Variants in CNTNAP2 observed in about 807,000 individuals in gnomAD.
CNTNAP2 encodes contactin-associated protein-like 2.
CNTNAP2 carries 98 observed loss-of-function variants against 155.2 expected under a neutral mutation model. That is an observed-to-expected ratio of 0.63 (90% CI 0.54 to 0.75). The LOEUF (loss-of-function observed/expected upper bound fraction) is 0.75. Among genes scored for constraint, CNTNAP2 ranks in the 30% least tolerant of loss-of-function variants. The probability of loss-of-function intolerance (pLI) is 0.00; values close to 1 mark genes in which losing one functional copy is unlikely to be tolerated. For synonymous variants in CNTNAP2, 651 were observed against 631.2 expected, an observed-to-expected ratio of 1.03 and a Z score of -0.47; for missense variants, 1,727 against 1,688.1, an observed-to-expected ratio of 1.02 and a Z score of -0.40.
At chr7:146,831,611 G>A (rs2129198728) in intron 2 of CNTNAP2, among the ~76,000 whole-genome samples, 1 of 147,990 alleles carries the variant, frequency 6.8e-6, no homozygotes, top group South Asian at 2.1e-4. Context: ...AGGAGGCGGA[G>A]GTTGCAGTGA....
Position 146,987,512 on chromosome 7 carries a change from G to T in CNTNAP2, c.403-56395G>T, listed in dbSNP as rs528956269. 5.9e-5 allele frequency among the ~76,000 whole-genome samples: 9 copies of T among 152,142 alleles called. No individual in the cohort carries two copies. The South Asian group carries it at 6.2e-4, about 11-fold the overall frequency. The stretch of plus-strand genomic sequence containing the variant: ...AAATTATGATAATCATGTTAATAAA[G>T]ATTTGGATGAATTAATTGTTATTCA... On this transcript the variant is annotated intron_variant, in intron 3 of 23. Coordinates refer to ENST00000361727, the MANE Select transcript of CNTNAP2 (RefSeq NM_014141.6).
In CNTNAP2 at chr7:147,458,638, A is replaced by G. The variant is rs190848544; in HGVS notation, c.1671-27297A>G. Among the ~76,000 whole-genome samples, 110 of 152,332 alleles carry G rather than the reference A, an allele frequency of 7.2e-4. 1 individual carries two copies. The highest frequency in any genetic ancestry group is 2.6e-3 in the African/African-American group (107 of 41,588). On this transcript the variant is annotated intron_variant, in intron 10 of 23. Transcript: ENST00000361727. ...CTTGGCATGGCAACCTTTGCAAAGC[A>G]CTGCCTGATAGTCTCCCTCCTGCTG... is the stretch of plus-strand genomic sequence containing the variant.
intron 1 of CNTNAP2, among the ~76,000 whole-genome samples, chr7:146,202,319 T>C (rs1291020813): frequency 6.6e-6 from 1 of 152,186 alleles, no homozygotes; most frequent in East Asian, 1.9e-4. Context: ...TTTTAACTGA[T>C]GGCTAAATGT....
At chr7:146,539,488 A>T (rs1307832083) in intron 1 of CNTNAP2, among the ~76,000 whole-genome samples, 1 of 152,096 alleles carries the variant, frequency 6.6e-6, no homozygotes, top group Non-Finnish European at 1.5e-5. Context: ...TAAAATGGTT[A>T]AATATTCATT....
At chr7:148,176,890 C>T (rs947945772) in intron 18 of CNTNAP2, among the ~76,000 whole-genome samples, 13 of 152,038 alleles carry the variant, frequency 8.6e-5, no homozygotes, top group Admixed American at 3.3e-4. Context: ...TATTGGGGAC[C>T]GAATGGATAG....
At position 146,568,162 on chromosome 7, in the gene CNTNAP2, C is replaced by T. The variant is rs991479894; in HGVS notation, c.98-206109C>T. 1.3e-5 allele frequency among the ~76,000 whole-genome samples: 2 copies of T among 152,052 alleles called. 1 individual carries two copies. Among genetic ancestry groups the T allele is most frequent in the Admixed American group, 1.3e-4 (2 of 15,272 alleles). On this transcript the variant is annotated intron_variant, in intron 1 of 23. Coordinates refer to ENST00000361727, the MANE Select transcript of CNTNAP2 (RefSeq NM_014141.6). ...AGCAGACCCAAATGTTTTCTTTTGA[C>T]TTCGGGCTTTCCAAAAGATACAGTA...
At chr7:147,445,844 G>C (rs945103515) in intron 10 of CNTNAP2, among the ~76,000 whole-genome samples, 1 of 151,962 alleles carries the variant, frequency 6.6e-6, no homozygotes, top group Non-Finnish European at 1.5e-5. Context: ...ACTCAGGCTA[G>C]AGTGCAGTGG....
chr7:147,949,624 T>C (rs60909056), intron 14 of CNTNAP2, among the ~76,000 whole-genome samples: 4,781 of 152,144 alleles, frequency 0.031, 268 homozygotes, highest in African/African-American at 0.11. Context: ...GGAACCTGGT[T>C]ATTTAGCAAG....
intron 10 of CNTNAP2, among the ~76,000 whole-genome samples, chr7:147,453,993 G>A (rs1054428871): frequency 7.7e-6 from 1 of 130,102 alleles, no homozygotes; most frequent in African/African-American, 3.0e-5. Context: ...TATAGGAACT[G>A]GCTTATAAAA....
intron 1 of CNTNAP2, among the ~76,000 whole-genome samples, chr7:146,624,889 C>T (rs1380837483): frequency 2.0e-5 from 3 of 151,868 alleles, no homozygotes; most frequent in African/African-American, 7.2e-5. Flanking sequence ...CTTCTTTTTA[C>T]CCTGAGAAAT....
In CNTNAP2 at chr7:146,341,982, T is replaced by C. The variant is rs1041886841; in HGVS notation, c.97+225009T>C. Reference sequence around the variant, plus strand: ...TATTTGCAGCCTTCATTCTTAATGTTTGTAGCACATTGAATTTTATTGATT... The same window carrying C: ...TATTTGCAGCCTTCATTCTTAATGTCTGTAGCACATTGAATTTTATTGATT... On this transcript the variant is annotated intron_variant, in intron 1 of 23. Coordinates refer to ENST00000361727, the MANE Select transcript of CNTNAP2 (RefSeq NM_014141.6). Among the ~76,000 whole-genome samples the C allele has an allele frequency of 1.4e-4, 21 of 152,312 alleles. No individual in the cohort carries two copies. The South Asian group carries it at 4.3e-3, about 32-fold the overall frequency.
intron 14 of CNTNAP2, among the ~76,000 whole-genome samples, chr7:147,956,079 T>A (rs1485650953): frequency 6.6e-6 from 1 of 152,178 alleles, no homozygotes; most frequent in African/African-American, 2.4e-5. Context: ...CTTGCTTTGC[T>A]CATATATACC....
At chr7:146,685,173 G>T (rs142079341) in intron 1 of CNTNAP2, among the ~76,000 whole-genome samples, 16 of 152,180 alleles carry the variant, frequency 1.1e-4, no homozygotes, top group African/African-American at 3.1e-4. Flanking sequence ...AAACCCAAAC[G>T]AGTTGACATA....
At chr7:147,891,407 A>G (rs1011096259) in intron 13 of CNTNAP2, among the ~76,000 whole-genome samples, 5 of 151,928 alleles carry the variant, frequency 3.3e-5, no homozygotes, top group Admixed American at 6.6e-5. Flanking sequence ...GTTTCACCAT[A>G]TTGGACAGGC....
intron 1 of CNTNAP2, among the ~76,000 whole-genome samples, chr7:146,244,300 C>T (rs1007798614): frequency 6.6e-6 from 1 of 152,036 alleles, no homozygotes; most frequent in African/African-American, 2.4e-5. Context: ...ACAGTGTAAA[C>T]CGGCAGTGTA....
chr7:146,250,429 G>A (rs994137470), intron 1 of CNTNAP2, among the ~76,000 whole-genome samples: 5 of 152,156 alleles, frequency 3.3e-5, no homozygotes, highest in African/African-American at 1.2e-4. Flanking sequence ...ATAATTTAAA[G>A]GTCGCATGGA....
chr7:146,675,221 T>C (rs747425622), intron 1 of CNTNAP2, among the ~76,000 whole-genome samples: 9 of 152,320 alleles, frequency 5.9e-5, no homozygotes, highest in Middle Eastern at 3.4e-3. Context: ...TCTAGGAGAT[T>C]ATTTTCATTC....
chr7:146,553,221 A>T (rs1422668680), intron 1 of CNTNAP2, among the ~76,000 whole-genome samples: 1 of 152,106 alleles, frequency 6.6e-6, no homozygotes, highest in Non-Finnish European at 1.5e-5. Flanking sequence ...AATAATTCTA[A>T]TTATATTTGA....
intron 13 of CNTNAP2, among the ~76,000 whole-genome samples, chr7:147,754,191 C>T (rs987999296): frequency 5.3e-5 from 8 of 152,144 alleles, no homozygotes; most frequent in African/African-American, 9.7e-5. Context: ...AACAAATTAT[C>T]GCTCCATCAT....
Sources: allele counts gnomAD v4.1 joint callset (sites outside exome capture counted in the v4.1 genomes callset), GRCh38; gene constraint gnomAD v4.1.1; transcripts MANE v1.5; gene names NCBI Gene and HGNC (gene_info 2026-07-23, HGNC 2026-07-21).